The following ATL3 variants were observed in gnomAD, a reference collection of about 807,000 sequenced individuals.
ATL3 encodes atlastin GTPase 3.
In ATL3, 49 loss-of-function variants were observed where a neutral mutation model predicts 69.5. The observed-to-expected ratio is 0.71, with a 90% CI of 0.56 to 0.89. ATL3 has a LOEUF of 0.89. Among genes scored for constraint, ATL3 ranks in the 40% least tolerant of loss-of-function variants. The probability of loss-of-function intolerance (pLI) is 0.00; values close to 1 mark genes in which losing one functional copy is unlikely to be tolerated. For synonymous variants in ATL3, 214 were observed against 224.1 expected, an observed-to-expected ratio of 0.95 and a Z score of 0.40; for missense variants, 606 against 645.7, an observed-to-expected ratio of 0.94 and a Z score of 0.67.
chr11:63,660,221 T>C (rs185852874), intron 1 of ATL3, among the ~76,000 whole-genome samples: 191 of 152,290 alleles, frequency 1.3e-3, no homozygotes, highest in Non-Finnish European at 2.4e-3. Flanking sequence ...TCACAATATC[T>C]GTTTCCAAAG....
At chr11:63,669,390 C>G (rs979754595) in intron 1 of ATL3, among the ~76,000 whole-genome samples, 1 of 150,272 alleles carries the variant, frequency 6.7e-6, no homozygotes, top group Admixed American at 6.7e-5. Context: ...CAAAAATTAC[C>G]CAGGCGCGGT....
chr11:63,645,997 C>T (rs1939863939), intron 6 of ATL3, among the ~76,000 whole-genome samples: 1 of 152,068 alleles, frequency 6.6e-6, no homozygotes. Context: ...CTCTTGACCT[C>T]AGGTGATCTG....
At chr11:63,650,980 T>C (rs922422325) in intron 5 of ATL3, among the ~76,000 whole-genome samples, 2 of 152,150 alleles carry the variant, frequency 1.3e-5, no homozygotes, top group African/African-American at 4.8e-5. Flanking sequence ...AAACATAAAA[T>C]AGAACTAATT....
intron 6 of ATL3, among the ~76,000 whole-genome samples, chr11:63,646,128 A>G (rs938662510): frequency 2.0e-5 from 3 of 152,004 alleles, no homozygotes; most frequent in Non-Finnish European, 4.4e-5. Flanking sequence ...GGCTCTAGCA[A>G]TTCTTCCACC....
At chr11:63,663,246 G>A (rs1940475072) in intron 1 of ATL3, among the ~76,000 whole-genome samples, 1 of 152,088 alleles carries the variant, frequency 6.6e-6, no homozygotes, top group African/African-American at 2.4e-5. Context: ...AGCCACCAGA[G>A]TAGCTGGCAG....
chr11:63,651,367 T>C (rs1372414293), intron 5 of ATL3, among the ~76,000 whole-genome samples: 3 of 151,490 alleles, frequency 2.0e-5, no homozygotes, highest in Non-Finnish European at 2.9e-5. Flanking sequence ...GATTGCATCA[T>C]TGCACTCCAG....
At chr11:63,664,136 C>T (rs1461793854) in intron 1 of ATL3, among the ~76,000 whole-genome samples, 1 of 152,176 alleles carries the variant, frequency 6.6e-6, no homozygotes, top group Non-Finnish European at 1.5e-5. Flanking sequence ...TATTTGGAGG[C>T]TCCATCAAAT....
chr11:63,638,232 T>G (rs1445799721), intron 8 of ATL3, among the ~76,000 whole-genome samples: 2 of 152,120 alleles, frequency 1.3e-5, no homozygotes, highest in Non-Finnish European at 2.9e-5. Flanking sequence ...AGAAACAAAC[T>G]CAATCTTTAG....
At chr11:63,661,512 G>A (rs1375721900) in intron 1 of ATL3, among the ~76,000 whole-genome samples, 2 of 152,172 alleles carry the variant, frequency 1.3e-5, no homozygotes, top group African/African-American at 4.8e-5. Flanking sequence ...GAGAAGCTGA[G>A]ATGGCAGGAT....
Position 63,658,898 on chromosome 11 carries a change from T to C in ATL3, c.268A>G (p.Ser90Gly). 1 of 1,601,876 alleles carries C rather than the reference T, an allele frequency of 6.2e-7. No individual in the cohort carries two copies. Among genetic ancestry groups the C allele is most frequent in the South Asian group, 1.1e-5 (1 of 87,478 alleles). ...TCACCCAACCAATTTGAATGGCCAC[T>C]TTCCTTCTACAGAAGTAAGAAATTT... ...MLRYLYSQKE[S>G]GHSNWLGDPE... is the part of the protein sequence containing the mutation. The change falls in exon 3 of 13, where the codon AGT becomes GGT. Residue 90 changes from serine (S) to glycine (G), a missense_variant. Physicochemically the swap from Ser to Gly is moderately conservative, Grantham distance 56. Coordinates refer to ENST00000398868, the MANE Select transcript of ATL3 (RefSeq NM_015459.5).
In ATL3 at chr11:63,636,466, C is replaced by T. The variant is rs1203702004; in HGVS notation, c.851-132G>A. 7 of 1,221,884 alleles carry T rather than the reference C, an allele frequency of 5.7e-6. No individual in the cohort carries two copies. The Admixed American group carries it at 6.7e-5, about 12-fold the overall frequency. 75.7% of individuals were successfully genotyped at this position (1,221,884 alleles called of 1,614,324 possible). A position where few individuals can be genotyped will look rare whatever the true frequency, so the allele number is the denominator to read the frequency against. On this transcript the variant is annotated intron_variant, in intron 8 of 12. Coordinates refer to ENST00000398868, the MANE Select transcript of ATL3 (RefSeq NM_015459.5). ...TTAAAAGTGAGAGAGAAGCCGGGCA[C>T]GGTGGCTCACGCCTATAATCCTAGC... is the stretch of plus-strand genomic sequence containing the variant.
intron 11 of ATL3, chr11:63,632,564 T>G (rs966907926): frequency 1.2e-6 from 1 of 850,748 alleles, no homozygotes; most frequent in African/African-American, 1.7e-5. Flanking sequence ...CATGTTTGGT[T>G]AGAAGGTGAT....
intron 3 of ATL3, among the ~76,000 whole-genome samples, chr11:63,653,036 A>T (rs1940129528): frequency 1.3e-5 from 2 of 152,146 alleles, no homozygotes; most frequent in South Asian, 2.1e-4. Context: ...CATAAAATTT[A>T]AAAAATTAGG....
At position 63,646,502 on chromosome 11, in the gene ATL3, C is replaced by T. The variant is rs200298194; in HGVS notation, c.618+5G>A. The T allele has an allele frequency of 2.0e-5, 31 of 1,552,526 alleles. No individual in the cohort carries two copies. Among genetic ancestry groups the T allele is most frequent in the Non-Finnish European group, 2.7e-5 (31 of 1,130,312 alleles). On this transcript the variant is annotated splice_donor_5th_base_variant and intron_variant, in intron 6 of 12. Transcript: ENST00000398868. ...ATGAATTATATTTAAAATAAATATT[C>T]TAACCTGGAAAGGCTTTTGGAAAAT...
At chr11:63,657,237 G>C (rs1940283947) in intron 3 of ATL3, among the ~76,000 whole-genome samples, 1 of 146,454 alleles carries the variant, frequency 6.8e-6, no homozygotes, top group Non-Finnish European at 1.5e-5. Context: ...AGGACAAACA[G>C]GTGTGAAGGC....
intron 6 of ATL3, among the ~76,000 whole-genome samples, chr11:63,645,595 T>C (rs1385861233): frequency 1.3e-5 from 2 of 151,746 alleles, no homozygotes; most frequent in Non-Finnish European, 2.9e-5. Context: ...TGAGTGTGTA[T>C]GTGTGTGTTT....
intron 11 of ATL3, 25 bp from the exon 12 acceptor site, chr11:63,631,496 G>A (rs1488042939): frequency 6.4e-7 from 1 of 1,551,524 alleles, no homozygotes; most frequent in East Asian, 2.3e-5. Context: ...GAAACAATAT[G>A]TTAAAAGATC....
At chr11:63,651,482 T>C (rs1042273829) in intron 5 of ATL3, among the ~76,000 whole-genome samples, 4 of 152,028 alleles carry the variant, frequency 2.6e-5, no homozygotes, top group African/African-American at 4.8e-5. Context: ...ACATCATTGC[T>C]GACGACCCTC....
intron 10 of ATL3, among the ~76,000 whole-genome samples, chr11:63,635,200 A>T (rs1939474189): frequency 6.6e-6 from 1 of 152,108 alleles, no homozygotes; most frequent in Non-Finnish European, 1.5e-5. Flanking sequence ...AAATAAAAAA[A>T]ATAAACAACA....
Sources: gnomAD v4.1 joint callset for allele counts (sites outside exome capture counted in the v4.1 genomes callset) on GRCh38, gnomAD v4.1.1 for gene constraint, MANE v1.5 for transcripts, NCBI Gene and HGNC (gene_info 2026-07-23, HGNC 2026-07-21) for gene names.